The following CTSB variants were observed in gnomAD, a reference collection of about 807,000 sequenced individuals.
CTSB encodes APP secretase.
A neutral mutation model predicts 44.3 loss-of-function variants in CTSB; 57 were observed. The observed-to-expected ratio is 1.29, with a 90% CI of 1.04 to 1.60. The LOEUF is 1.60. Ranked by LOEUF, CTSB falls within the 40% of genes most tolerant of loss-of-function variation. The pLI, the probability that CTSB is intolerant of heterozygous loss-of-function variation, is 0.00. For missense variants in CTSB, 768 were observed against 443.0 expected, an observed-to-expected ratio of 1.73 and a Z score of -6.59; for synonymous variants, 320 against 168.0, an observed-to-expected ratio of 1.91 and a Z score of -7.00.
At chr8:11,852,501 C>T in intron 3 of CTSB, 109 bp downstream of exon 3, 2 of 700,234 alleles carry the variant, frequency 2.9e-6, no homozygotes, top group Non-Finnish European at 4.7e-6. Flanking sequence ...CAGCCCTGGG[C>T]AGCATGAGCC....
At chr8:11,845,597 C>A (rs950538366) in intron 9 of CTSB, 64 bp downstream of exon 9, 15 of 1,571,680 alleles carry the variant, frequency 9.5e-6, no homozygotes, top group African/African-American at 2.7e-5. Flanking sequence ...CAGAGAAAGC[C>A]GAGATGGCCA....
chr8:11,855,482 C>A (rs1183855910), intron 1 of CTSB, among the ~76,000 whole-genome samples: 1 of 152,128 alleles, frequency 6.6e-6, no homozygotes, highest in African/African-American at 2.4e-5. Flanking sequence ...CATTGTGAGA[C>A]CCCATCAATA....
intron 1 of CTSB, among the ~76,000 whole-genome samples, chr8:11,856,547 A>T (rs895752415): frequency 6.6e-6 from 1 of 152,220 alleles, no homozygotes; most frequent in Non-Finnish European, 1.5e-5. Flanking sequence ...CAGGAGGCAG[A>T]GGCTGCACTC....
rs1034515215 is a variant in CTSB at position 11,842,637 on chromosome 8, T to G, written c.*2488A>C. 6.6e-6 allele frequency: 1 copy of G among 152,058 alleles called. No individual in the cohort carries two copies. The highest frequency in any genetic ancestry group is 1.5e-5 in the Non-Finnish European group (1 of 68,006). The allele number at this position is 152,058 out of a possible 1,614,324, so 9.4% of individuals were successfully genotyped here. ...TAACCTTTGTTAAGCATCTTTCTTT[T>G]TCTTTTTTTTTTTGGTGAGACACAG... On this transcript the variant is annotated 3_prime_UTR_variant, in exon 10 of 10. Coordinates refer to ENST00000353047, the MANE Select transcript of CTSB (RefSeq NM_001908.5).
At chr8:11,862,172 A>G (rs1207694851) in intron 1 of CTSB, among the ~76,000 whole-genome samples, 2 of 146,840 alleles carry the variant, frequency 1.4e-5, no homozygotes, top group East Asian at 2.0e-4. Flanking sequence ...ACGCCACTGC[A>G]CTCCAGCCTG....
chr8:11,851,744 G>A lies in CTSB; in HGVS notation c.213-764C>T, dbSNP rs568322840. Among the ~76,000 whole-genome samples the A allele has an allele frequency of 5.1e-3, 778 of 151,886 alleles. 2 individuals carry two copies. The highest frequency in any genetic ancestry group is 7.8e-3 in the Non-Finnish European group (530 of 67,960). ...GGAAGTGGCATCATCTCAGCTCACC[G>A]CAACCTCTGCCTCCCGGGTTCATGC... On this transcript the variant is annotated intron_variant, in intron 3 of 9. Coordinates refer to ENST00000353047, the MANE Select transcript of CTSB (RefSeq NM_001908.5).
At chr8:11,852,855 G>A (rs998495739) in intron 2 of CTSB, among the ~76,000 whole-genome samples, 160 bp from the exon 3 acceptor site, 3 of 152,282 alleles carry the variant, frequency 2.0e-5, no homozygotes, top group South Asian at 2.1e-4. Flanking sequence ...AGTGACACAC[G>A]GGCAGAGTGG....
Position 11,844,986 on chromosome 8 carries a change from T to G in CTSB, c.*139A>C. On this transcript the variant is annotated 3_prime_UTR_variant, in exon 10 of 10. Coordinates refer to ENST00000353047, the MANE Select transcript of CTSB (RefSeq NM_001908.5). ...GGGATGTAGCCAGGACTTGGTCTCC[T>G]TGGAAGACAGGTCTGATGTTTGGCC... 1.5e-6 allele frequency: 1 copy of G among 649,714 alleles called. No individual in the cohort carries two copies. Among genetic ancestry groups the G allele is most frequent in the Non-Finnish European group, 2.7e-6 (1 of 366,054 alleles). 40.2% of individuals were successfully genotyped at this position (649,714 alleles called of 1,614,324 possible). A position where few individuals can be genotyped will look rare whatever the true frequency, so the allele number is the denominator to read the frequency against.
intron 7 of CTSB, 104 bp downstream of exon 7, chr8:11,847,575 G>C (rs527521851): frequency 4.5e-5 from 58 of 1,294,120 alleles, no homozygotes; most frequent in African/African-American, 7.5e-5. Context: ...AGAGTTCCGG[G>C]ACCCCAAGGC....
At chr8:11,862,925 TG>T (rs1816638558) in intron 1 of CTSB, among the ~76,000 whole-genome samples, 1 of 152,242 alleles carries the variant, frequency 6.6e-6, no homozygotes, top group Non-Finnish European at 1.5e-5. Context: ...ATTATCTTGA[TG>T]ACCAGACCAA....
At chr8:11,862,932 A>G (rs1292851110) in intron 1 of CTSB, among the ~76,000 whole-genome samples, 2 of 152,188 alleles carry the variant, frequency 1.3e-5, no homozygotes, top group Non-Finnish European at 2.9e-5. Context: ...TGATGACCAG[A>G]CCAAAGAAGT....
intron 1 of CTSB, among the ~76,000 whole-genome samples, chr8:11,863,242 T>G (rs1450990481): frequency 6.6e-6 from 1 of 152,148 alleles, no homozygotes; most frequent in African/African-American, 2.4e-5. Flanking sequence ...AGGCAGATCA[T>G]GAGCTCAGGA....
At chr8:11,864,872 C>T (rs963015417) in intron 1 of CTSB, among the ~76,000 whole-genome samples, 5 of 150,844 alleles carry the variant, frequency 3.3e-5, no homozygotes, top group African/African-American at 1.2e-4. Context: ...GAGATTGTGC[C>T]ACGGCATTCC....
rs760765122 is a variant in CTSB, at chr8:11,856,209, G to A, written c.-25-2730C>T. On this transcript the variant is annotated intron_variant, in intron 1 of 9. Transcript: ENST00000353047. ...CCTGGGGTGGGTGGGCACAACCACC[G>A]AGACATCAACCAGCAACGCCCACCA... Among the ~76,000 whole-genome samples, 9 of 152,116 alleles carry A rather than the reference G, an allele frequency of 5.9e-5. No individual in the cohort carries two copies. In the East Asian group the frequency reaches 9.6e-4, roughly 16 times the overall value.
At chr8:11,854,457 A>G (rs1041735648) in intron 1 of CTSB, among the ~76,000 whole-genome samples, 1 of 151,964 alleles carries the variant, frequency 6.6e-6, no homozygotes, top group Non-Finnish European at 1.5e-5. Flanking sequence ...GAGAATAAAT[A>G]TATGAGGACA....
chr8:11,857,407 G>C (rs1316804790), intron 1 of CTSB, among the ~76,000 whole-genome samples: 1 of 152,156 alleles, frequency 6.6e-6, no homozygotes, highest in African/African-American at 2.4e-5. Flanking sequence ...GACCCACACA[G>C]CCTCCACACT....
chr8:11,859,165 CCT>C (rs1815981376), intron 1 of CTSB, among the ~76,000 whole-genome samples: 1 of 152,136 alleles, frequency 6.6e-6, no homozygotes, highest in African/African-American at 2.4e-5. Flanking sequence ...CTCCTCATAT[CCT>C]CTCTCTCCAA....
At chr8:11,863,149 T>C (rs1208044539) in intron 1 of CTSB, among the ~76,000 whole-genome samples, 2 of 152,106 alleles carry the variant, frequency 1.3e-5, no homozygotes, top group South Asian at 4.1e-4. Context: ...CGTCTCTATA[T>C]AGAAAATTAA....
In CTSB at chr8:11,845,798, G is replaced by A. The variant is rs372056536; in HGVS notation, c.794-9C>T. On this transcript the variant is annotated splice_polypyrimidine_tract_variant and intron_variant, in intron 8 of 9. Coordinates refer to ENST00000353047, the MANE Select transcript of CTSB (RefSeq NM_001908.5). ...GACGTGTTGGTACACTCCTGAAAAGGGAAGAACTGGCTGAGACCGAGACCG... is the reference window on the plus strand; with the variant it reads ...GACGTGTTGGTACACTCCTGAAAAGAGAAGAACTGGCTGAGACCGAGACCG... The A allele has an allele frequency of 1.9e-6, 3 of 1,608,486 alleles. No homozygotes were observed. Among genetic ancestry groups the A allele is most frequent in the Non-Finnish European group, 2.6e-6 (3 of 1,176,250 alleles).
Sources: gnomAD v4.1 joint callset for allele counts (sites outside exome capture counted in the v4.1 genomes callset) on GRCh38, gnomAD v4.1.1 for gene constraint, MANE v1.5 for transcripts, NCBI Gene and HGNC (gene_info 2026-07-23, HGNC 2026-07-21) for gene names.